Variants in SLC22A3 observed in about 807,000 individuals in gnomAD.
The protein encoded by SLC22A3 is solute carrier family 22 member 3.
A neutral mutation model predicts 59.1 loss-of-function variants in SLC22A3; 51 were observed. The ratio of observed to expected loss-of-function variants is 0.86; its 90% CI spans 0.69 to 1.09. The LOEUF is 1.09. Among genes scored for constraint, SLC22A3 ranks in the 50% least tolerant of loss-of-function variants. The pLI, the probability that SLC22A3 is intolerant of heterozygous loss-of-function variation, is 0.00. For synonymous variants in SLC22A3, 325 were observed against 292.0 expected (o/e 1.11, Z -1.15); for missense variants, 711 against 726.3 (o/e 0.98, Z 0.24).
In SLC22A3 at chr6:160,451,048, C is replaced by T; in HGVS notation, c.1663C>T (p.His555Tyr). 6.3e-7 allele frequency: 1 copy of T among 1,593,000 alleles called. No homozygotes were observed. ...TAAGAAAACCCCAGTTTCCCGCTCT[C>T]ACCTTTGAGGCCCCCGACAAAGACA... ...RNKKTPVSRS[H>Y]L The change falls in exon 11 of 11, where the codon CAC (histidine) becomes TAC (tyrosine). Residue 555 changes from histidine (H) to tyrosine (Y), a missense_variant. Physicochemically the swap from His to Tyr is moderately conservative, Grantham distance 83. Transcript: ENST00000275300.
intron 5 of SLC22A3, among the ~76,000 whole-genome samples, chr6:160,420,353 C>G (rs1583496957): frequency 6.6e-6 from 1 of 152,272 alleles, no homozygotes; most frequent in Admixed American, 6.5e-5. Flanking sequence ...CCCTACTCAC[C>G]CAAACTCATC....
intron 7 of SLC22A3, among the ~76,000 whole-genome samples, chr6:160,438,127 C>G (rs1788417525): frequency 6.6e-6 from 1 of 152,126 alleles, no homozygotes; most frequent in East Asian, 1.9e-4. Flanking sequence ...CATTTCATTT[C>G]AGAGATGTTG....
At chr6:160,382,672 G>A (rs1785841680) in intron 1 of SLC22A3, among the ~76,000 whole-genome samples, 1 of 152,162 alleles carries the variant, frequency 6.6e-6, no homozygotes, top group Admixed American at 6.5e-5. Flanking sequence ...CTGGGGCTGG[G>A]AGATTATGGA....
At chr6:160,362,872 G>A (rs1785066322) in intron 1 of SLC22A3, among the ~76,000 whole-genome samples, 2 of 152,228 alleles carry the variant, frequency 1.3e-5, no homozygotes, top group African/African-American at 2.4e-5. Context: ...AGCTCCAACA[G>A]GGCTGGGCCG....
intron 10 of SLC22A3, 37 bp downstream of exon 10, chr6:160,447,855 A>G (rs371464704): frequency 2.2e-5 from 32 of 1,466,628 alleles, no homozygotes; most frequent in Non-Finnish European, 2.9e-5. Flanking sequence ...AAATAAAAGC[A>G]ATATTTAAAA....
At position 160,383,526 on chromosome 6, in the gene SLC22A3, T is replaced by G. The variant is rs554692056; in HGVS notation, c.430-14453T>G. On this transcript the variant is annotated intron_variant, in intron 1 of 10. Coordinates refer to ENST00000275300, the MANE Select transcript of SLC22A3 (RefSeq NM_021977.4). ...CACCCTCCTAATGTGTGACTTCACATTCTATACATAGAATTTCTTTTTTTT... is the reference window on the plus strand; with the variant it reads ...CACCCTCCTAATGTGTGACTTCACAGTCTATACATAGAATTTCTTTTTTTT... Among the ~76,000 whole-genome samples, 3 of 149,728 alleles carry G rather than the reference T, an allele frequency of 2.0e-5. No homozygotes were observed. In the South Asian group the frequency reaches 6.6e-4, roughly 33 times the overall value.
intron 4 of SLC22A3, 31 bp from the exon 5 acceptor site, chr6:160,410,698 C>T: frequency 7.2e-7 from 1 of 1,380,056 alleles, no homozygotes; most frequent in Non-Finnish European, 1.0e-6. Flanking sequence ...AATTCCTAGA[C>T]ATAACTCACA....
chr6:160,386,114 C>T (rs1785998551), intron 1 of SLC22A3, among the ~76,000 whole-genome samples: 1 of 152,236 alleles, frequency 6.6e-6, no homozygotes, highest in South Asian at 2.1e-4. Context: ...ACCTTGAGCA[C>T]CTTGAGCACG....
intron 1 of SLC22A3, among the ~76,000 whole-genome samples, chr6:160,379,103 A>G (rs1164313729): frequency 1.3e-5 from 2 of 152,184 alleles, no homozygotes; most frequent in African/African-American, 4.8e-5. Flanking sequence ...GAAGTCCTGG[A>G]AGCAGCCCCA....
intron 1 of SLC22A3, among the ~76,000 whole-genome samples, chr6:160,391,439 A>C (rs538184027): frequency 6.6e-6 from 1 of 152,272 alleles, no homozygotes; most frequent in South Asian, 2.1e-4. Context: ...TGTCTCAGGC[A>C]CTGGGCTGAG....
chr6:160,380,153 C>G (rs1313045895), intron 1 of SLC22A3, among the ~76,000 whole-genome samples: 1 of 151,984 alleles, frequency 6.6e-6, no homozygotes, highest in Non-Finnish European at 1.5e-5. Context: ...CAGAAATTAC[C>G]AAATTATGTT....
At chr6:160,404,109 T>C (rs1786904936) in intron 2 of SLC22A3, among the ~76,000 whole-genome samples, 3 of 151,828 alleles carry the variant, frequency 2.0e-5, no homozygotes, top group South Asian at 2.1e-4. Context: ...ACAGGTATAC[T>C]GATTGGAAAG....
chr6:160,399,765 T>G (rs1786684056), intron 2 of SLC22A3, among the ~76,000 whole-genome samples: 1 of 152,198 alleles, frequency 6.6e-6, no homozygotes, highest in African/African-American at 2.4e-5. Flanking sequence ...TATAAGGAGC[T>G]TAGAATTTGC....
At chr6:160,407,297 A>C (rs1787058674) in intron 3 of SLC22A3, 102 bp downstream of exon 3, 1 of 1,253,864 alleles carries the variant, frequency 8.0e-7, no homozygotes, top group Non-Finnish European at 1.1e-6. Context: ...TCCTTTAACA[A>C]AGGAGGTTTC....
intron 1 of SLC22A3, among the ~76,000 whole-genome samples, chr6:160,394,938 T>C (rs1448711751): frequency 6.6e-6 from 1 of 152,166 alleles, no homozygotes; most frequent in East Asian, 1.9e-4. Flanking sequence ...GAATGTCCAC[T>C]ACCTCCCTCC....
chr6:160,445,399 C>A (rs1788702902), intron 9 of SLC22A3, among the ~76,000 whole-genome samples: 1 of 152,162 alleles, frequency 6.6e-6, no homozygotes, highest in African/African-American at 2.4e-5. Flanking sequence ...CCGGAAGGGC[C>A]TCAAGGACAT....
Position 160,437,193 on chromosome 6 carries a change from A to G in SLC22A3, c.1270A>G (p.Thr424Ala). ...NIVAGVACLV[T>A]AFLPEGIAWL... is the part of the protein sequence containing the mutation. Reference sequence around the variant, plus strand: ...AGTGGCAGGGGTGGCATGCCTTGTCACTGCGTTCTTACCAGAAGGTAATCT... The same window carrying G: ...AGTGGCAGGGGTGGCATGCCTTGTCGCTGCGTTCTTACCAGAAGGTAATCT... The change falls in exon 7 of 11, where the codon ACT (threonine) becomes GCT (alanine). Residue 424 changes from threonine (T) to alanine (A), a missense_variant. Transcript: ENST00000275300. 6.2e-7 allele frequency: 1 copy of G among 1,614,072 alleles called. No individual in the cohort carries two copies. Among genetic ancestry groups the G allele is most frequent in the Non-Finnish European group, 8.5e-7 (1 of 1,179,962 alleles).
chr6:160,425,670 G>A (rs1197513289), intron 5 of SLC22A3, among the ~76,000 whole-genome samples: 1 of 152,076 alleles, frequency 6.6e-6, no homozygotes, highest in Non-Finnish European at 1.5e-5. Context: ...GCAATGTCTG[G>A]AAATCACTAC....
rs145846934 is a variant in SLC22A3 at position 160,417,550 on chromosome 6, A to G, written c.975+6704A>G. 3.1e-3 allele frequency among the ~76,000 whole-genome samples: 477 copies of G among 152,338 alleles called. 1 individual carries two copies. The highest frequency in any genetic ancestry group is 4.9e-3 in the Non-Finnish European group (336 of 68,028). On this transcript the variant is annotated intron_variant, in intron 5 of 10. Coordinates refer to ENST00000275300, the MANE Select transcript of SLC22A3 (RefSeq NM_021977.4). The stretch of plus-strand genomic sequence containing the variant: ...ACACATTCTTTGGTGATGCAGGGGT[A>G]TCTGATTGTGGTAGATTAAATTACT...
Sources: allele counts gnomAD v4.1 joint callset (sites outside exome capture counted in the v4.1 genomes callset), GRCh38; gene constraint gnomAD v4.1.1; transcripts MANE v1.5; gene names NCBI Gene and HGNC (gene_info 2026-07-23, HGNC 2026-07-21).